Variants in CTNNA3 observed in about 807,000 individuals in gnomAD.
CTNNA3 encodes the protein catenin alpha 3.
Under a neutral mutation model 95.7 loss-of-function variants are expected in CTNNA3, and 76 were observed. The ratio of observed to expected loss-of-function variants is 0.79; its 90% CI spans 0.66 to 0.96. CTNNA3 has a LOEUF of 0.96. CTNNA3 is among the 40% of genes least tolerant of loss of function. The pLI, the probability that CTNNA3 is intolerant of heterozygous loss-of-function variation, is 0.00. For missense variants in CTNNA3, 1,191 were observed against 1,089.8 expected (o/e 1.09, Z -1.31); for synonymous variants, 431 against 374.4 (o/e 1.15, Z -1.74).
rs1442367505 is a variant in CTNNA3 at position 66,520,703 on chromosome 10, T to TGGAAAC, written c.1444_1445insGTTTCC (p.Tyr482delinsCysPheHis). ...TATATGATTCTCCCATGTACGCTTGTACATTTCCATGGTGTTTTTGACCGC... is the reference window on the plus strand; with the variant it reads ...TATATGATTCTCCCATGTACGCTTGTGGAAACACATTTCCATGGTGTTTTTGACCGC... On this transcript the variant is annotated protein_altering_variant, in exon 11 of 18. Coordinates refer to ENST00000433211, the MANE Select transcript of CTNNA3 (RefSeq NM_013266.4). The TGGAAAC allele has an allele frequency of 1.9e-6, 3 of 1,612,396 alleles. No individual in the cohort carries two copies. The African/African-American group carries it at 4.0e-5, about 22-fold the overall frequency.
At chr10:66,629,725 G>T (rs1001875271) in intron 9 of CTNNA3, among the ~76,000 whole-genome samples, 10 of 151,778 alleles carry the variant, frequency 6.6e-5, no homozygotes, top group Non-Finnish European at 1.5e-4. Context: ...TTCTCTCTTT[G>T]CTTCAGCTAT....
chr10:66,384,979 A>G (rs2092877173), intron 11 of CTNNA3, among the ~76,000 whole-genome samples: 1 of 152,214 alleles, frequency 6.6e-6, no homozygotes, highest in Non-Finnish European at 1.5e-5. Flanking sequence ...AATGCCCACA[A>G]GAGAAAGCAG....
chr10:66,706,935 T>G (rs1450485375), intron 9 of CTNNA3, among the ~76,000 whole-genome samples: 1 of 151,932 alleles, frequency 6.6e-6, no homozygotes, highest in Non-Finnish European at 1.5e-5. Context: ...AAAAACATTA[T>G]TAGGAAAGAG....
At chr10:66,138,956 T>C (rs1002743733) in intron 13 of CTNNA3, among the ~76,000 whole-genome samples, 4 of 152,204 alleles carry the variant, frequency 2.6e-5, no homozygotes, top group Non-Finnish European at 5.9e-5. Context: ...AATTTAACAT[T>C]GGTCTTCATT....
chr10:65,999,332 T>G (rs1240130429), intron 15 of CTNNA3, among the ~76,000 whole-genome samples: 2 of 152,170 alleles, frequency 1.3e-5, no homozygotes, highest in African/African-American at 4.8e-5. Flanking sequence ...AAGGCTCTCA[T>G]CTTTTAAATG....
chr10:66,394,553 A>T (rs1413338923), intron 11 of CTNNA3, among the ~76,000 whole-genome samples: 1 of 47,708 alleles, frequency 2.1e-5, no homozygotes, highest in Non-Finnish European at 4.0e-5. Context: ...ACTGGGTTAA[A>T]AAAAAAAAAA....
chr10:66,852,141 AG>A (rs1356118033), intron 7 of CTNNA3, among the ~76,000 whole-genome samples: 1 of 152,186 alleles, frequency 6.6e-6, no homozygotes, highest in African/African-American at 2.4e-5. Context: ...ATGATAAAAA[AG>A]CTCAATTCAA....
chr10:66,038,858 C>A (rs902804168), intron 15 of CTNNA3, among the ~76,000 whole-genome samples: 2 of 152,260 alleles, frequency 1.3e-5, no homozygotes, highest in Admixed American at 1.3e-4. Context: ...TCTCTGTCAT[C>A]ACTCCTATTC....
At chr10:66,073,500 A>G (rs2080484257) in intron 14 of CTNNA3, among the ~76,000 whole-genome samples, 1 of 152,130 alleles carries the variant, frequency 6.6e-6, no homozygotes, top group Non-Finnish European at 1.5e-5. Flanking sequence ...GATGAAAAAC[A>G]CACTCAGCCA....
At chr10:66,908,223 T>A (rs748821027) in intron 7 of CTNNA3, among the ~76,000 whole-genome samples, 4 of 152,236 alleles carry the variant, frequency 2.6e-5, no homozygotes, top group Admixed American at 1.3e-4. Flanking sequence ...TGTTATGAGA[T>A]GAAAACTTTG....
intron 15 of CTNNA3, among the ~76,000 whole-genome samples, chr10:65,996,845 C>T (rs1470873520): frequency 1.3e-5 from 2 of 152,176 alleles, no homozygotes; most frequent in African/African-American, 2.4e-5. Flanking sequence ...CATGACACTC[C>T]TCTGTTGAAT....
intron 7 of CTNNA3, among the ~76,000 whole-genome samples, chr10:67,034,164 T>C (rs546557120): frequency 7.2e-5 from 11 of 152,340 alleles, no homozygotes; most frequent in African/African-American, 2.2e-4. Flanking sequence ...GCCAATGGAC[T>C]AGTTTCCTAT....
At chr10:66,472,067 G>T (rs1222334120) in intron 11 of CTNNA3, among the ~76,000 whole-genome samples, 5 of 151,898 alleles carry the variant, frequency 3.3e-5, no homozygotes, top group Non-Finnish European at 5.9e-5. Context: ...CATCCTCCCT[G>T]GGCTTTTAAC....
chr10:67,674,021 A>C (rs1456988934), intron 1 of CTNNA3, among the ~76,000 whole-genome samples: 5 of 151,848 alleles, frequency 3.3e-5, no homozygotes, highest in Non-Finnish European at 7.4e-5. Context: ...ATTCTCATAC[A>C]TGTCTCTTTG....
intron 5 of CTNNA3, among the ~76,000 whole-genome samples, chr10:67,516,339 C>T (rs1437942200): frequency 6.6e-6 from 1 of 152,142 alleles, no homozygotes; most frequent in Non-Finnish European, 1.5e-5. Flanking sequence ...TGCTATAAGT[C>T]CTTACATGAT....
chr10:66,392,784 A>T (rs2092944287), intron 11 of CTNNA3, among the ~76,000 whole-genome samples: 1 of 152,158 alleles, frequency 6.6e-6, no homozygotes, highest in Non-Finnish European at 1.5e-5. Context: ...GCTGAAGAGA[A>T]TGTAAAATGA....
At chr10:66,663,470 CAA>C (rs141528493) in intron 9 of CTNNA3, among the ~76,000 whole-genome samples, 88,893 of 137,362 alleles carry the variant, frequency 0.65, 27,284 homozygotes, top group East Asian at 0.95. Context: ...TTGCCTTTTA[CAA>C]AAAAAAAAAA....
intron 7 of CTNNA3, among the ~76,000 whole-genome samples, chr10:67,104,249 C>T (rs967015058): frequency 6.6e-6 from 1 of 151,748 alleles, no homozygotes; most frequent in Non-Finnish European, 1.5e-5. Context: ...CAAACTGTAG[C>T]AATGACATGG....
rs1233920573 is a variant in CTNNA3 at position 67,727,338 on chromosome 10, G to C, written c.-2+36096C>G. On this transcript the variant is annotated intron_variant, in intron 1 of 17. Transcript: ENST00000684154. ...ATATATTATATATTTATATATTATT[G>C]TATATTATATATATCATATACATAT... Among the ~76,000 whole-genome samples the C allele has an allele frequency of 1.6e-5, 2 of 127,064 alleles. 1 individual carries two copies. The highest frequency in any genetic ancestry group is 3.2e-5 in the Non-Finnish European group (2 of 63,180). 83.4% of individuals were successfully genotyped at this position (127,064 alleles called of 152,430 possible). A position where few individuals can be genotyped will look rare whatever the true frequency, so the allele number is the denominator to read the frequency against.
Sources: gnomAD v4.1 joint callset for allele counts (sites outside exome capture counted in the v4.1 genomes callset) on GRCh38, gnomAD v4.1.1 for gene constraint, MANE v1.5 for transcripts, NCBI Gene and HGNC (gene_info 2026-07-23, HGNC 2026-07-21) for gene names.